The following PDGFD variants were observed in gnomAD, a reference collection of about 807,000 sequenced individuals.
PDGFD encodes platelet-derived growth factor D.
PDGFD carries 30 observed loss-of-function variants against 44.7 expected under a neutral mutation model. The ratio of observed to expected loss-of-function variants is 0.67; its 90% CI spans 0.50 to 0.91. The LOEUF (loss-of-function observed/expected upper bound fraction) is 0.91. Ranked by LOEUF, PDGFD falls within the 40% of genes least tolerant of loss-of-function variation. The pLI is 0.00. For synonymous variants in PDGFD, 173 were observed against 168.4 expected, an observed-to-expected ratio of 1.03 and a Z score of -0.21; for missense variants, 445 against 457.8, an observed-to-expected ratio of 0.97 and a Z score of 0.25.
intron 5 of PDGFD, among the ~76,000 whole-genome samples, chr11:103,934,467 C>T (rs1858456067): frequency 6.6e-6 from 1 of 152,216 alleles, no homozygotes; most frequent in Admixed American, 6.5e-5. Context: ...TCAGACGTAA[C>T]ACTATCCTTT....
At chr11:103,924,504 A>C (rs1050132317) in intron 6 of PDGFD, among the ~76,000 whole-genome samples, 5 of 122,618 alleles carry the variant, frequency 4.1e-5, no homozygotes, top group Non-Finnish European at 6.7e-5. Context: ...GGGGTGGATC[A>C]AGCAATTCTT....
At chr11:103,955,161 C>A in intron 3 of PDGFD, among the ~76,000 whole-genome samples, 1 of 55,256 alleles carries the variant, frequency 1.8e-5, no homozygotes, top group Non-Finnish European at 3.4e-5. Context: ...GAGACTCCGT[C>A]TCAAAAAAAA....
rs560632945 is a variant in PDGFD at position 103,947,300 on chromosome 11, C to T, written c.573+362G>A. On this transcript the variant is annotated intron_variant, in intron 4 of 6. Coordinates refer to ENST00000393158, the MANE Select transcript of PDGFD (RefSeq NM_025208.5). Reference sequence around the variant, plus strand: ...GGTTAACGTCTTCCCCAGGAATATTCGAAAGCTATTTTGAAATTCCCCACT... The same window carrying T: ...GGTTAACGTCTTCCCCAGGAATATTTGAAAGCTATTTTGAAATTCCCCACT... Among the ~76,000 whole-genome samples, 69 of 152,280 alleles carry T rather than the reference C, an allele frequency of 4.5e-4. 1 individual carries two copies. Among genetic ancestry groups the T allele is most frequent in the African/African-American group, 1.6e-3 (66 of 41,566 alleles).
chr11:104,159,310 T>G (rs566373733), intron 1 of PDGFD, among the ~76,000 whole-genome samples: 1 of 152,266 alleles, frequency 6.6e-6, no homozygotes, highest in African/African-American at 2.4e-5. Flanking sequence ...CTTAATCCTT[T>G]TAGAAAGATC....
chr11:103,966,927 C>A (rs184097340), intron 3 of PDGFD, among the ~76,000 whole-genome samples: 1 of 152,280 alleles, frequency 6.6e-6, no homozygotes, highest in East Asian at 1.9e-4. Flanking sequence ...TCCCCTGAGG[C>A]CTACCAAATG....
At chr11:103,981,195 C>A (rs1859267106) in intron 3 of PDGFD, among the ~76,000 whole-genome samples, 1 of 151,468 alleles carries the variant, frequency 6.6e-6, no homozygotes, top group South Asian at 2.1e-4. Flanking sequence ...GTGCCTGTTA[C>A]AAAAAGTCAG....
At chr11:104,102,841 C>T (rs1417178460) in intron 1 of PDGFD, among the ~76,000 whole-genome samples, 1 of 152,108 alleles carries the variant, frequency 6.6e-6, no homozygotes, top group East Asian at 1.9e-4. Context: ...AAAAACCAAA[C>T]ACCGCGTGTT....
chr11:104,000,054 C>T lies in PDGFD; in HGVS notation c.326G>A (p.Cys109Tyr). The change falls in exon 2 of 7, where the codon TGT (cysteine) becomes TAT (tyrosine). Residue 109 changes from cysteine to tyrosine, a missense_variant. Transcript: ENST00000393158. ...AAAAATTTTTTTCCCAACTTACCTA[C>T]AGATATCATTTTCTGCTTCCTCTAA... is the stretch of plus-strand genomic sequence containing the variant. ...FGLEEAENDI[C>Y]RYDFVEVEDI... 1.2e-6 allele frequency: 2 copies of T among 1,613,786 alleles called. No homozygotes were observed. The highest frequency in any genetic ancestry group is 1.7e-6 in the Non-Finnish European group (2 of 1,179,778).
intron 6 of PDGFD, among the ~76,000 whole-genome samples, chr11:103,911,986 G>A (rs1054453508): frequency 6.6e-6 from 1 of 152,042 alleles, no homozygotes; most frequent in African/African-American, 2.4e-5. Context: ...TATGTGAAAA[G>A]ACCAAATCTA....
chr11:104,010,954 T>C (rs541285910), intron 1 of PDGFD, among the ~76,000 whole-genome samples: 3 of 151,994 alleles, frequency 2.0e-5, no homozygotes, highest in Non-Finnish European at 2.9e-5. Context: ...CTTTAACCAC[T>C]GCCAACATAG....
chr11:104,121,377 A>G (rs1394524620), intron 1 of PDGFD, among the ~76,000 whole-genome samples: 1 of 152,014 alleles, frequency 6.6e-6, no homozygotes, highest in East Asian at 1.9e-4. Context: ...CTCAGAAAAA[A>G]AGAAGTGTAT....
At chr11:103,953,186 T>A (rs1858784219) in intron 3 of PDGFD, among the ~76,000 whole-genome samples, 1 of 152,086 alleles carries the variant, frequency 6.6e-6, no homozygotes, top group Admixed American at 6.6e-5. Context: ...ATATACAAAA[T>A]GTATACATAC....
At chr11:104,040,806 C>A (rs187641173) in intron 1 of PDGFD, among the ~76,000 whole-genome samples, 4 of 152,014 alleles carry the variant, frequency 2.6e-5, no homozygotes, top group African/African-American at 9.6e-5. Context: ...TTCTATCTCT[C>A]TATACATCAT....
chr11:104,101,425 A>G (rs1026845141), intron 1 of PDGFD, among the ~76,000 whole-genome samples: 8 of 152,196 alleles, frequency 5.3e-5, no homozygotes, highest in African/African-American at 1.7e-4. Context: ...AAGGGGAACT[A>G]CAAACCACTG....
chr11:104,120,413 T>C (rs1861760792), intron 1 of PDGFD, among the ~76,000 whole-genome samples: 1 of 151,950 alleles, frequency 6.6e-6, no homozygotes, highest in South Asian at 2.1e-4. Flanking sequence ...ATTCCTAGTT[T>C]AAAATTGTCA....
chr11:103,923,302 CA>C (rs1858253417), intron 6 of PDGFD, among the ~76,000 whole-genome samples: 1 of 152,086 alleles, frequency 6.6e-6, no homozygotes, highest in African/African-American at 2.4e-5. Context: ...ATAATAAAGA[CA>C]GTCACATTTT....
chr11:103,976,510 T>C (rs541541465), intron 3 of PDGFD, among the ~76,000 whole-genome samples: 13 of 152,310 alleles, frequency 8.5e-5, no homozygotes, highest in Admixed American at 2.6e-4. Flanking sequence ...CCTATCTGAA[T>C]ACCCTTTATT....
intron 1 of PDGFD, among the ~76,000 whole-genome samples, chr11:104,021,353 G>A (rs1473291193): frequency 6.6e-6 from 1 of 152,124 alleles, no homozygotes; most frequent in Non-Finnish European, 1.5e-5. Context: ...TCTTTCTATA[G>A]TTTCCACATT....
chr11:103,998,713 C>T (rs1859575238), intron 2 of PDGFD, among the ~76,000 whole-genome samples: 1 of 152,284 alleles, frequency 6.6e-6, no homozygotes, highest in Non-Finnish European at 1.5e-5. Flanking sequence ...TTGGAAGCTG[C>T]AACTGACATA....
Sources: gnomAD v4.1 joint callset for allele counts (sites outside exome capture counted in the v4.1 genomes callset) on GRCh38, gnomAD v4.1.1 for gene constraint, MANE v1.5 for transcripts, NCBI Gene and HGNC (gene_info 2026-07-23, HGNC 2026-07-21) for gene names.